Variants in NKAIN2 observed in about 807,000 individuals in gnomAD.
The protein encoded by NKAIN2 is sodium/potassium-transporting ATPase subunit beta-1-interacting protein 2.
In NKAIN2, 14 loss-of-function variants were observed where a neutral mutation model predicts 32.6. That is an observed-to-expected ratio of 0.43 (90% confidence interval 0.28 to 0.67). The LOEUF is 0.67. Ranked by LOEUF, NKAIN2 falls within the 30% of genes least tolerant of loss-of-function variation. The pLI is 0.17. For missense variants in NKAIN2, 198 were observed against 258.3 expected (o/e 0.77, Z 1.60); for synonymous variants, 80 against 87.2 (o/e 0.92, Z 0.46).
intron 3 of NKAIN2, among the ~76,000 whole-genome samples, chr6:124,562,375 C>T (rs2114896231): frequency 6.6e-6 from 1 of 152,266 alleles, no homozygotes; most frequent in South Asian, 2.1e-4. Flanking sequence ...CTAAGGCATA[C>T]ATGTGAAACT....
intron 3 of NKAIN2, among the ~76,000 whole-genome samples, chr6:124,396,510 G>A (rs964340534): frequency 5.3e-5 from 8 of 151,680 alleles, no homozygotes; most frequent in South Asian, 2.1e-4. Context: ...GAAGGGCATC[G>A]GCTGACTAGT....
chr6:124,401,690 C>T (rs1201361041), intron 3 of NKAIN2, among the ~76,000 whole-genome samples: 1 of 152,134 alleles, frequency 6.6e-6, no homozygotes, highest in Non-Finnish European at 1.5e-5. Context: ...ATGCATAACA[C>T]CTTTTTTGTA....
At chr6:123,891,706 A>G (rs1325758178) in intron 1 of NKAIN2, among the ~76,000 whole-genome samples, 1 of 152,184 alleles carries the variant, frequency 6.6e-6, no homozygotes, top group African/African-American at 2.4e-5. Flanking sequence ...GGGCAAAATG[A>G]TCTACGTCGT....
Position 124,166,554 on chromosome 6 carries a change from G to T in NKAIN2, c.55-116451G>T, listed in dbSNP as rs1458395567. Reference sequence around the variant, plus strand: ...CCATTTGTCAATTTTGTCTTTTGTTGCCATTGCTTTTGGTGTTTTAGACAT... The same window carrying T: ...CCATTTGTCAATTTTGTCTTTTGTTTCCATTGCTTTTGGTGTTTTAGACAT... On this transcript the variant is annotated intron_variant, in intron 1 of 6. Transcript: ENST00000368417. Among the ~76,000 whole-genome samples, 3 of 150,888 alleles carry T rather than the reference G, an allele frequency of 2.0e-5. No homozygotes were observed. The East Asian group carries it at 5.9e-4, about 29-fold the overall frequency.
At chr6:123,938,454 A>ACG (rs1776648079) in intron 1 of NKAIN2, among the ~76,000 whole-genome samples, 1 of 96,178 alleles carries the variant, frequency 1.0e-5, no homozygotes, top group Admixed American at 1.1e-4. Flanking sequence ...ATATATATAC[A>ACG]CACACACACA....
At chr6:123,970,522 C>T (rs1465009200) in intron 1 of NKAIN2, among the ~76,000 whole-genome samples, 1 of 152,128 alleles carries the variant, frequency 6.6e-6, no homozygotes, top group African/African-American at 2.4e-5. Context: ...TCACTTTGAA[C>T]TTTAGCTTTC....
intron 3 of NKAIN2, among the ~76,000 whole-genome samples, chr6:124,360,791 C>T (rs1029811201): frequency 3.3e-5 from 5 of 152,118 alleles, no homozygotes; most frequent in African/African-American, 9.7e-5. Context: ...TATCCTAAAG[C>T]ATTTAGCAGT....
At chr6:124,529,492 C>T (rs1051305877) in intron 3 of NKAIN2, among the ~76,000 whole-genome samples, 3 of 152,190 alleles carry the variant, frequency 2.0e-5, no homozygotes, top group African/African-American at 7.2e-5. Context: ...AGTTATATTT[C>T]ATTTCCCTTT....
intron 1 of NKAIN2, among the ~76,000 whole-genome samples, chr6:123,989,888 A>G (rs1779338860): frequency 6.6e-6 from 1 of 152,166 alleles, no homozygotes; most frequent in African/African-American, 2.4e-5. Context: ...AATAAATAAG[A>G]TCTTGTTCAT....
At chr6:124,296,491 G>A (rs1796061348) in intron 2 of NKAIN2, among the ~76,000 whole-genome samples, 1 of 152,034 alleles carries the variant, frequency 6.6e-6, no homozygotes, top group African/African-American at 2.4e-5. Flanking sequence ...TTACAAGAAT[G>A]TTTATGAGTT....
chr6:124,640,682 G>A (rs1465221464), intron 3 of NKAIN2, among the ~76,000 whole-genome samples: 1 of 152,162 alleles, frequency 6.6e-6, no homozygotes, highest in Non-Finnish European at 1.5e-5. Context: ...GTGAAAGAGA[G>A]AAGACTCATT....
chr6:124,327,270 G>C (rs1276407753), intron 2 of NKAIN2, among the ~76,000 whole-genome samples: 1 of 152,100 alleles, frequency 6.6e-6, no homozygotes, highest in East Asian at 1.9e-4. Flanking sequence ...TCTCAAGTGT[G>C]AGCCAGAAGT....
intron 4 of NKAIN2, among the ~76,000 whole-genome samples, chr6:124,777,824 A>C (rs577965440): frequency 5.3e-5 from 8 of 152,280 alleles, no homozygotes; most frequent in Middle Eastern, 3.4e-3. Context: ...TAATTTTAGA[A>C]AATTGACCTG....
At chr6:123,985,852 A>G (rs930846395) in intron 1 of NKAIN2, among the ~76,000 whole-genome samples, 1 of 152,132 alleles carries the variant, frequency 6.6e-6, no homozygotes, top group Non-Finnish European at 1.5e-5. Flanking sequence ...TTAACCAGGG[A>G]AAAATGATTT....
intron 1 of NKAIN2, among the ~76,000 whole-genome samples, chr6:124,082,065 C>T (rs926024705): frequency 6.6e-6 from 1 of 151,834 alleles, no homozygotes; most frequent in Admixed American, 6.6e-5. Flanking sequence ...ATTTTAGGAA[C>T]TGAAAGAAAC....
chr6:124,264,633 G>T (rs1794404544), intron 1 of NKAIN2, among the ~76,000 whole-genome samples: 1 of 152,154 alleles, frequency 6.6e-6, no homozygotes, highest in Non-Finnish European at 1.5e-5. Context: ...GTGGAAACTA[G>T]CACTACTCAG....
At chr6:123,967,318 A>G (rs1378202436) in intron 1 of NKAIN2, among the ~76,000 whole-genome samples, 2 of 152,226 alleles carry the variant, frequency 1.3e-5, no homozygotes, top group South Asian at 2.1e-4. Context: ...GATAAAACAC[A>G]TTCAGTTATC....
At chr6:124,533,152 C>T (rs1417557988) in intron 3 of NKAIN2, among the ~76,000 whole-genome samples, 2 of 152,054 alleles carry the variant, frequency 1.3e-5, no homozygotes, top group African/African-American at 4.8e-5. Flanking sequence ...ACAGTAGTTA[C>T]CACGTTTACT....
At chr6:124,207,758 A>C (rs1289559011) in intron 1 of NKAIN2, among the ~76,000 whole-genome samples, 2 of 151,912 alleles carry the variant, frequency 1.3e-5, no homozygotes, top group African/African-American at 2.4e-5. Context: ...CATAAAATAA[A>C]CCCTATTTTG....
Sources: allele counts gnomAD v4.1 joint callset (sites outside exome capture counted in the v4.1 genomes callset), GRCh38; gene constraint gnomAD v4.1.1; transcripts MANE v1.5; gene names NCBI Gene and HGNC (gene_info 2026-07-23, HGNC 2026-07-21).